Variants in SARDH observed in about 807,000 individuals in gnomAD.
The protein encoded by SARDH is sarcosine dehydrogenase.
Under a neutral mutation model 109.1 loss-of-function variants are expected in SARDH, and 95 were observed. The observed-to-expected ratio is 0.87, with a 90% CI of 0.74 to 1.03. The LOEUF is 1.03. Ranked by LOEUF, SARDH falls within the 50% of genes least tolerant of loss-of-function variation. The pLI, the probability that SARDH is intolerant of heterozygous loss-of-function variation, is 0.00. For synonymous variants in SARDH, 572 were observed against 534.8 expected (o/e 1.07, Z -0.96); for missense variants, 1,267 against 1,287.8 (o/e 0.98, Z 0.25).
intron 3 of SARDH, 46 bp downstream of exon 3, chr9:133,732,377 C>CCCCCCCCCCA: frequency 3.9e-6 from 2 of 517,390 alleles, no homozygotes; most frequent in Non-Finnish European, 3.7e-6. Context: ...GGAGTGCACC[C>CCCCCCCCCCA]ACCCACCCAA....
At chr9:133,730,305 G>A in intron 4 of SARDH, 118 bp from the exon 5 acceptor site, 5 of 1,358,242 alleles carry the variant, frequency 3.7e-6, no homozygotes, top group Non-Finnish European at 4.0e-6. Context: ...TCTGCCAGCA[G>A]CAGGTCCCCT....
chr9:133,722,574 T>C (rs112797070), intron 6 of SARDH, among the ~76,000 whole-genome samples: 3,287 of 152,198 alleles, frequency 0.022, 108 homozygotes, highest in African/African-American at 0.075. Context: ...AGTAAAAATA[T>C]TCCTATTTGC....
At position 133,718,664 on chromosome 9, in the gene SARDH, C is replaced by A. The variant is rs1341928809; in HGVS notation, c.1020+274G>T. 2.6e-6 allele frequency: 2 copies of A among 779,412 alleles called. No individual in the cohort carries two copies. The highest frequency in any genetic ancestry group is 2.4e-6 in the Non-Finnish European group (1 of 417,964). The allele number at this position is 779,412 out of a possible 1,614,324, so 48.3% of individuals were successfully genotyped here. A position where few individuals can be genotyped will look rare whatever the true frequency, so the allele number is the denominator to read the frequency against. On this transcript the variant is annotated intron_variant, in intron 7 of 20. Transcript: ENST00000439388. This position sits in a 1 kb window ranked among gnomAD's most constrained non-coding sequence, Gnocchi z 4.2. ...GACGTAGGACTTGTGTGCTCTCATG[C>A]CCTTCTGAGGTCATCACTCCACACT...
Position 133,692,864 on chromosome 9 carries a change from G to C in SARDH, c.1921+1394C>G, listed in dbSNP as rs1831151499. Among the ~76,000 whole-genome samples the C allele has an allele frequency of 6.6e-6, 1 of 152,162 alleles. No homozygotes were observed. The highest frequency in any genetic ancestry group is 1.5e-5 in the Non-Finnish European group (1 of 68,016). On this transcript the variant is annotated intron_variant, in intron 15 of 20. Coordinates refer to ENST00000439388, the MANE Select transcript of SARDH (RefSeq NM_001134707.2). This position sits in a 1 kb window ranked among gnomAD's most constrained non-coding sequence, Gnocchi z 5.0. ...TCAGCCTCCACGTCGCCAACGGCAG[G>C]AGGGAAGGGGTGGGCGAGCTCTGCG...
At chr9:133,700,723 A>G (rs1024893122) in intron 13 of SARDH, among the ~76,000 whole-genome samples, 90 of 129,342 alleles carry the variant, frequency 7.0e-4, no homozygotes, top group African/African-American at 2.5e-3. Context: ...AAGCACACAC[A>G]CACACACGCA....
intron 6 of SARDH, among the ~76,000 whole-genome samples, chr9:133,729,247 GGGA>G (rs1300981809): frequency 6.6e-6 from 1 of 152,034 alleles, no homozygotes; most frequent in African/African-American, 2.4e-5. Flanking sequence ...CATCCCTGGA[GGGA>G]GGAGTTGAGG....
At chr9:133,730,528 T>TTAA (rs1428293505) in intron 4 of SARDH, among the ~76,000 whole-genome samples, 1 of 142,642 alleles carries the variant, frequency 7.0e-6, no homozygotes, top group Non-Finnish European at 1.5e-5. Flanking sequence ...TACTGCTTGG[T>TTAA]AAAAAAAAAA....
Position 133,686,567 on chromosome 9 carries a change from C to A in SARDH, c.2070-1281G>T, listed in dbSNP as rs1830893644. On this transcript the variant is annotated intron_variant, in intron 16 of 20. Coordinates refer to ENST00000439388, the MANE Select transcript of SARDH (RefSeq NM_001134707.2). The surrounding 1 kb of genome is among the most constrained non-coding windows in gnomAD (Gnocchi z 4.0). Reference sequence around the variant, plus strand: ...AGGAGCTCCGTGCCAACAGCATCCCCCTATCCCAATGTGCCTGGCACAGAG... The same window carrying A: ...AGGAGCTCCGTGCCAACAGCATCCCACTATCCCAATGTGCCTGGCACAGAG... 6.6e-6 allele frequency among the ~76,000 whole-genome samples: 1 copy of A among 152,032 alleles called. No homozygotes were observed. Among genetic ancestry groups the A allele is most frequent in the Non-Finnish European group, 1.5e-5 (1 of 67,996 alleles).
chr9:133,713,901 C>T (rs549007251), intron 8 of SARDH, among the ~76,000 whole-genome samples: 21 of 152,242 alleles, frequency 1.4e-4, no homozygotes, highest in Non-Finnish European at 2.5e-4. Flanking sequence ...CTGGGCTTGG[C>T]CCTGGGAGGC....
chr9:133,687,113 C>G (rs2131373144), intron 16 of SARDH, among the ~76,000 whole-genome samples: 1 of 152,308 alleles, frequency 6.6e-6, no homozygotes, highest in South Asian at 2.1e-4. Context: ...TGAACCCTAC[C>G]AAGCCCCAGT....
At chr9:133,674,971 A>G (rs1830466905) in intron 17 of SARDH, among the ~76,000 whole-genome samples, 1 of 152,246 alleles carries the variant, frequency 6.6e-6, no homozygotes. Flanking sequence ...CAAGTCTTAC[A>G]TATGATAAGG....
chr9:133,723,472 A>T (rs191405995), intron 6 of SARDH, among the ~76,000 whole-genome samples: 1 of 152,296 alleles, frequency 6.6e-6, no homozygotes, highest in East Asian at 1.9e-4. Flanking sequence ...CGAGAAATAA[A>T]CCTTCTTCTG....
intron 6 of SARDH, among the ~76,000 whole-genome samples, chr9:133,724,157 G>A (rs1009742404): frequency 6.6e-6 from 1 of 152,040 alleles, no homozygotes; most frequent in Non-Finnish European, 1.5e-5. Context: ...AAGCGAAAAG[G>A]CTATGTAAAG....
intron 6 of SARDH, among the ~76,000 whole-genome samples, chr9:133,719,899 C>G (rs1484231228): frequency 6.7e-6 from 1 of 149,618 alleles, no homozygotes; most frequent in African/African-American, 2.5e-5. Flanking sequence ...ATCACGAGGT[C>G]AGGAAATCAA....
At chr9:133,721,246 C>A (rs1322130194) in intron 6 of SARDH, among the ~76,000 whole-genome samples, 1 of 152,220 alleles carries the variant, frequency 6.6e-6, no homozygotes, top group Non-Finnish European at 1.5e-5. Flanking sequence ...CATCACAACA[C>A]CGGATGGCCA....
chr9:133,720,740 C>T (rs1284734453), intron 6 of SARDH, among the ~76,000 whole-genome samples: 1 of 152,140 alleles, frequency 6.6e-6, no homozygotes, highest in Non-Finnish European at 1.5e-5. Flanking sequence ...TGGGGGAAAC[C>T]ACCCCATGAT....
intron 8 of SARDH, among the ~76,000 whole-genome samples, chr9:133,714,917 C>T (rs1397273611): frequency 6.6e-6 from 1 of 152,122 alleles, no homozygotes; most frequent in African/African-American, 2.4e-5. Context: ...CTGCGGGGAG[C>T]GCTATCAAGA....
intron 19 of SARDH, among the ~76,000 whole-genome samples, chr9:133,669,614 G>A (rs1344495158): frequency 6.6e-6 from 1 of 152,058 alleles, no homozygotes; most frequent in Non-Finnish European, 1.5e-5. Flanking sequence ...CCGGGCTCCA[G>A]CAGCATGCTC....
In SARDH at chr9:133,732,607, C is replaced by T. The variant is rs764817611; in HGVS notation, c.332-6G>A. ...CCGCAGCTGCCACAGCAGGCCTGCC[C>T]GGGAGGGTGGGTGCCATCACTCCCC... On this transcript the variant is annotated splice_polypyrimidine_tract_variant and splice_region_variant and intron_variant, in intron 2 of 20. Transcript: ENST00000439388. 1.9e-6 allele frequency: 3 copies of T among 1,596,076 alleles called. No homozygotes were observed. The highest frequency in any genetic ancestry group is 2.3e-5 in the South Asian group (2 of 87,936).
Sources: allele counts gnomAD v4.1 joint callset (sites outside exome capture counted in the v4.1 genomes callset), GRCh38; gene constraint gnomAD v4.1.1; non-coding constraint Gnocchi (gnomAD v3.1); transcripts MANE v1.5; gene names NCBI Gene and HGNC (gene_info 2026-07-23, HGNC 2026-07-21).